AGBL4: variants seen among roughly 807,000 people sequenced by gnomAD.
AGBL4 encodes the protein AGBL carboxypeptidase 4, also known as cytosolic carboxypeptidase 6.
Under a neutral mutation model 66.4 loss-of-function variants are expected in AGBL4, and 58 were observed. That is an observed-to-expected ratio of 0.87 (90% confidence interval 0.71 to 1.09). AGBL4 has a LOEUF of 1.09. AGBL4 is among the 50% of genes least tolerant of loss of function. AGBL4 has a pLI of 0.00. For synonymous variants in AGBL4, 234 were observed against 222.9 expected (o/e 1.05, Z -0.44); for missense variants, 579 against 631.0 (o/e 0.92, Z 0.88).
intron 5 of AGBL4, among the ~76,000 whole-genome samples, chr1:48,964,225 C>T (rs1658236047): frequency 6.6e-6 from 1 of 152,158 alleles, no homozygotes; most frequent in Non-Finnish European, 1.5e-5. Context: ...GATCCTACTG[C>T]CATACCTGAG....
At chr1:49,600,902 C>A (rs1462319859) in intron 3 of AGBL4, among the ~76,000 whole-genome samples, 2 of 152,048 alleles carry the variant, frequency 1.3e-5, no homozygotes, top group Non-Finnish European at 2.9e-5. Context: ...GTTAGTTTGG[C>A]TGGTTATGAA....
intron 6 of AGBL4, among the ~76,000 whole-genome samples, chr1:48,806,583 G>C (rs547796195): frequency 6.6e-6 from 1 of 152,074 alleles, no homozygotes; most frequent in Non-Finnish European, 1.5e-5. Context: ...CCTTTTCCTT[G>C]AGCTGAACTA....
chr1:48,875,922 C>T (rs764067329), intron 5 of AGBL4, among the ~76,000 whole-genome samples: 2 of 152,070 alleles, frequency 1.3e-5, no homozygotes, highest in Non-Finnish European at 2.9e-5. Flanking sequence ...CTCCATTAGT[C>T]GTGACAGCAG....
chr1:48,611,067 C>A (rs1040006030), intron 9 of AGBL4, among the ~76,000 whole-genome samples: 11 of 152,232 alleles, frequency 7.2e-5, no homozygotes, highest in African/African-American at 2.4e-4. Flanking sequence ...CCAGAGCCTT[C>A]ATTGAGATTC....
chr1:49,062,394 A>C (rs1644419096), intron 4 of AGBL4, among the ~76,000 whole-genome samples: 1 of 152,140 alleles, frequency 6.6e-6, no homozygotes, highest in African/African-American at 2.4e-5. Flanking sequence ...ATTATGACTT[A>C]CTATTGCTCT....
At chr1:49,588,015 G>C (rs1196954639) in intron 3 of AGBL4, among the ~76,000 whole-genome samples, 2 of 151,930 alleles carry the variant, frequency 1.3e-5, no homozygotes, top group African/African-American at 4.8e-5. Flanking sequence ...CTCACCTAAA[G>C]TTCCTCACCC....
chr1:49,355,989 G>T (rs945162632), intron 3 of AGBL4, among the ~76,000 whole-genome samples: 2 of 152,158 alleles, frequency 1.3e-5, no homozygotes, highest in African/African-American at 4.8e-5. Flanking sequence ...TTTCTTAGGG[G>T]AGAGTCTTTA....
At chr1:49,698,599 C>T (rs746446870) in intron 2 of AGBL4, among the ~76,000 whole-genome samples, 1 of 151,944 alleles carries the variant, frequency 6.6e-6, no homozygotes, top group African/African-American at 2.4e-5. Context: ...CTGGCTCTAA[C>T]CACTAGACAA....
chr1:49,687,540 G>A (rs1328355316), intron 3 of AGBL4, among the ~76,000 whole-genome samples: 1 of 152,114 alleles, frequency 6.6e-6, no homozygotes, highest in Non-Finnish European at 1.5e-5. Context: ...AGGAGGCCGA[G>A]GGGGACGGAT....
chr1:49,171,997 T>C (rs1330531073), intron 4 of AGBL4, among the ~76,000 whole-genome samples: 3 of 152,150 alleles, frequency 2.0e-5, no homozygotes, highest in Non-Finnish European at 4.4e-5. Flanking sequence ...AAATAGTAAA[T>C]AGTGGAGCTG....
chr1:49,748,661 C>T (rs1651196243), intron 2 of AGBL4, among the ~76,000 whole-genome samples: 2 of 152,218 alleles, frequency 1.3e-5, no homozygotes, highest in African/African-American at 4.8e-5. Context: ...ACATCCTCTC[C>T]AGCATCTGTT....
intron 6 of AGBL4, among the ~76,000 whole-genome samples, chr1:48,849,051 T>C (rs1646977917): frequency 6.6e-6 from 1 of 152,242 alleles, no homozygotes; most frequent in East Asian, 1.9e-4. Context: ...CCCCAGCTTC[T>C]GCAAAAGTTA....
intron 4 of AGBL4, among the ~76,000 whole-genome samples, chr1:49,137,135 A>C (rs770032002): frequency 1.3e-5 from 2 of 152,100 alleles, no homozygotes; most frequent in Non-Finnish European, 1.5e-5. Context: ...ATTTTTTCCT[A>C]ATAAAGTTTC....
chr1:48,558,899 G>C (rs142051100), intron 11 of AGBL4, among the ~76,000 whole-genome samples: 3 of 152,298 alleles, frequency 2.0e-5, no homozygotes, highest in Non-Finnish European at 4.4e-5. Flanking sequence ...GTTGGAGTTT[G>C]TTTCATCACA....
chr1:48,712,330 C>T (rs1646980805), intron 6 of AGBL4, among the ~76,000 whole-genome samples: 1 of 152,218 alleles, frequency 6.6e-6, no homozygotes, highest in African/African-American at 2.4e-5. Context: ...GAGACAGGCT[C>T]TTCAGGACCT....
At chr1:49,199,899 C>T (rs1647549866) in intron 4 of AGBL4, among the ~76,000 whole-genome samples, 1 of 152,128 alleles carries the variant, frequency 6.6e-6, no homozygotes, top group African/African-American at 2.4e-5. Context: ...AGTCTATTCC[C>T]TTGCTCCTCC....
intron 9 of AGBL4, among the ~76,000 whole-genome samples, chr1:48,609,072 C>T (rs1433619263): frequency 2.6e-5 from 4 of 152,092 alleles, no homozygotes; most frequent in Non-Finnish European, 4.4e-5. Context: ...CAGATAGAGG[C>T]TGATAACCAG....
chr1:48,972,067 G>A (rs915582473), intron 5 of AGBL4, among the ~76,000 whole-genome samples: 5 of 152,154 alleles, frequency 3.3e-5, no homozygotes, highest in South Asian at 2.1e-4. Flanking sequence ...CTATGGGTCA[G>A]TAATTCCCCT....
intron 3 of AGBL4, among the ~76,000 whole-genome samples, chr1:49,674,554 T>C: frequency 7.3e-6 from 1 of 136,778 alleles, no homozygotes; most frequent in African/African-American, 2.8e-5. Context: ...AATAAAAGAA[T>C]ATATATAAGA....
Sources: allele counts gnomAD v4.1 joint callset (sites outside exome capture counted in the v4.1 genomes callset), GRCh38; gene constraint gnomAD v4.1.1; transcripts MANE v1.5; gene names NCBI Gene and HGNC (gene_info 2026-07-23, HGNC 2026-07-21).